Variants in MEIG1 observed in about 807,000 individuals in gnomAD.
MEIG1 encodes meiosis/spermiogenesis associated 1.
MEIG1 carries 12 observed loss-of-function variants against 11.3 expected under a neutral mutation model. That is an observed-to-expected ratio of 1.07 (90% CI 0.68 to 1.73). The LOEUF is 1.73. MEIG1 is among the 40% of genes most tolerant of loss of function. The pLI is 0.00. For missense variants in MEIG1, 119 were observed against 104.9 expected (o/e 1.13, Z -0.59); for synonymous variants, 41 against 33.2 (o/e 1.24, Z -0.81).
At chr10:14,986,757 G>A in intron 1 of MEIG1, 1 of 332,130 alleles carries the variant, frequency 3.0e-6, no homozygotes, top group South Asian at 2.5e-5. Context: ...CTACAGGCAG[G>A]CGTCACCAAG....
At chr10:14,980,190 C>T (rs538847349) in intron 1 of MEIG1, among the ~76,000 whole-genome samples, 134 of 151,976 alleles carry the variant, frequency 8.8e-4, no homozygotes, top group Middle Eastern at 6.8e-3. Context: ...TGCTATAATT[C>T]GGAGTATCCC....
At chr10:14,963,162 T>C (rs552338540) in intron 1 of MEIG1, among the ~76,000 whole-genome samples, 41 of 151,904 alleles carry the variant, frequency 2.7e-4, no homozygotes, top group African/African-American at 8.9e-4. Flanking sequence ...AATGGCACGA[T>C]CTTGGCTCAC....
At chr10:14,975,097 A>G (rs749069483), downstream of MEIG1, among the ~76,000 whole-genome samples, 24 of 152,118 alleles carry the variant, frequency 1.6e-4, no homozygotes, top group Middle Eastern at 3.2e-3. Flanking sequence ...GTTACTCCCA[A>G]TATAGCACTG....
At chr10:14,978,899 A>C (rs2131280954) in intron 1 of MEIG1, among the ~76,000 whole-genome samples, 1 of 152,158 alleles carries the variant, frequency 6.6e-6, no homozygotes, top group South Asian at 2.1e-4. Flanking sequence ...ATTACTTGTA[A>C]TATTCTATAG....
downstream of MEIG1, among the ~76,000 whole-genome samples, chr10:14,973,909 G>A: frequency 6.6e-6 from 1 of 152,016 alleles, no homozygotes; most frequent in East Asian, 1.9e-4. Flanking sequence ...ATTTACATTT[G>A]TAAAGTGAAG....
chr10:14,971,054 A>T (rs942806647), intron 2 of MEIG1, among the ~76,000 whole-genome samples: 4 of 152,154 alleles, frequency 2.6e-5, no homozygotes, highest in Non-Finnish European at 4.4e-5. Context: ...ATCAAGCCAA[A>T]TGAAAAAGTA....
chr10:14,961,656 T>G (rs1473033343), intron 1 of MEIG1, among the ~76,000 whole-genome samples: 3 of 144,096 alleles, frequency 2.1e-5, no homozygotes, highest in African/African-American at 7.7e-5. Context: ...TTTTTTTTTT[T>G]TTTAGTAGAG....
At chr10:14,973,165 C>G (rs961978204), downstream of MEIG1, among the ~76,000 whole-genome samples, 1 of 152,162 alleles carries the variant, frequency 6.6e-6, no homozygotes, top group African/African-American at 2.4e-5. Flanking sequence ...CACACCTGGC[C>G]TCTGTCCATA....
chr10:14,980,589 G>A (rs968459968), intron 1 of MEIG1, among the ~76,000 whole-genome samples: 1 of 152,144 alleles, frequency 6.6e-6, no homozygotes, highest in Non-Finnish European at 1.5e-5. Flanking sequence ...AGGTGTTGGC[G>A]TAGGGCAATC....
intron 1 of MEIG1, among the ~76,000 whole-genome samples, chr10:14,985,256 C>G (rs548653468): frequency 6.6e-6 from 1 of 151,688 alleles, no homozygotes; most frequent in Non-Finnish European, 1.5e-5. Flanking sequence ...ACTATGGTCA[C>G]GGGGGTATAC....
upstream of MEIG1, among the ~76,000 whole-genome samples, chr10:14,955,691 CTG>C: frequency 6.6e-6 from 1 of 152,256 alleles, no homozygotes; most frequent in East Asian, 1.9e-4. Flanking sequence ...GAGAGAGACT[CTG>C]TCTCAAAAAA....
intron 1 of MEIG1, among the ~76,000 whole-genome samples, chr10:14,963,738 A>C (rs1351139698): frequency 6.6e-6 from 1 of 152,180 alleles, no homozygotes; most frequent in African/African-American, 2.4e-5. Flanking sequence ...GCCGAGGTAC[A>C]CGATCACTTG....
upstream of MEIG1, among the ~76,000 whole-genome samples, chr10:14,955,516 C>T (rs1399429749): frequency 6.6e-6 from 1 of 152,002 alleles, no homozygotes; most frequent in African/African-American, 2.4e-5. Flanking sequence ...CCAGCCTGGA[C>T]AACATGGTGA....
chr10:14,971,219 A>G (rs1369252274), intron 2 of MEIG1, among the ~76,000 whole-genome samples: 1 of 148,290 alleles, frequency 6.7e-6, no homozygotes, highest in Non-Finnish European at 1.5e-5. Flanking sequence ...TAATAATGAT[A>G]ATAATAATAA....
At chr10:14,954,326 T>G in the MEIG1 span, 52 of 462,516 alleles carry the variant, frequency 1.1e-4, no homozygotes, top group African/African-American at 9.1e-4. Context: ...CCCATGTCTG[T>G]GGAGGTGCAG....
chr10:14,977,579 T>TGTACACACATGGG (rs549842660), downstream of MEIG1, among the ~76,000 whole-genome samples: 54 of 151,922 alleles, frequency 3.6e-4, no homozygotes, highest in East Asian at 8.9e-3. Context: ...TCCCAGTGGG[T>TGTACACACATGGG]GTACACACAT....
intron 1 of MEIG1, among the ~76,000 whole-genome samples, chr10:14,981,500 C>T (rs1339728565): frequency 6.6e-6 from 1 of 152,128 alleles, no homozygotes; most frequent in African/African-American, 2.4e-5. Flanking sequence ...CCCGTGGCTC[C>T]GGTGATGTCA....
At chr10:14,962,445 G>A (rs1188939709) in intron 1 of MEIG1, among the ~76,000 whole-genome samples, 1 of 152,170 alleles carries the variant, frequency 6.6e-6, no homozygotes, top group East Asian at 1.9e-4. Context: ...AATAACCGGA[G>A]GATGTCTATT....
intron 1 of MEIG1, among the ~76,000 whole-genome samples, chr10:14,964,182 G>A (rs935529642): frequency 1.5e-4 from 23 of 151,738 alleles, no homozygotes; most frequent in African/African-American, 5.3e-4. Flanking sequence ...AATAGGAAGA[G>A]CATTAGAACA....
Sources: allele counts gnomAD v4.1 joint callset (sites outside exome capture counted in the v4.1 genomes callset), GRCh38; gene constraint gnomAD v4.1.1; transcripts MANE v1.5; gene names NCBI Gene and HGNC (gene_info 2026-07-23, HGNC 2026-07-21).